ZNF737: variants seen among roughly 807,000 people sequenced by gnomAD.
ZNF737 encodes zinc finger protein 737.
ZNF737 carries 13 observed loss-of-function variants against 11.7 expected under a neutral mutation model. That is an observed-to-expected ratio of 1.11 (90% CI 0.73 to 1.77). The LOEUF is 1.77. ZNF737 is among the 40% of genes most tolerant of loss of function. The pLI, the probability that ZNF737 is intolerant of heterozygous loss-of-function variation, is 0.00. For synonymous variants in ZNF737, 217 were observed against 216.2 expected (o/e 1.00, Z -0.03); for missense variants, 636 against 638.0 (o/e 1.00, Z 0.03).
chr19:20,554,840 C>T (rs1050864948), intron 1 of ZNF737, among the ~76,000 whole-genome samples: 2 of 150,070 alleles, frequency 1.3e-5, no homozygotes, highest in African/African-American at 4.9e-5. Flanking sequence ...TAATAAATGG[C>T]ATCCCATTTA....
Position 20,541,198 on chromosome 19 carries a change from T to C in ZNF737, c.*3394A>G. On this transcript the variant is annotated 3_prime_UTR_variant, in exon 4 of 4. Transcript: ENST00000427401. ...TGTTTAGTTTTGTTAATCACCTAAA[T>C]AACATAATTTGTTTTGTTGCAGTAA... 4 of 983,042 alleles carry C rather than the reference T, an allele frequency of 4.1e-6. No individual in the cohort carries two copies. The highest frequency in any genetic ancestry group is 4.8e-6 in the Non-Finnish European group (4 of 827,788). The allele number at this position is 983,042 out of a possible 1,614,324, so 60.9% of individuals were successfully genotyped here.
chr19:20,540,090 T>G lies in ZNF737; in HGVS notation c.*4502A>C. On this transcript the variant is annotated 3_prime_UTR_variant, in exon 4 of 4. Coordinates refer to ENST00000427401, the MANE Select transcript of ZNF737 (RefSeq NM_001159293.2). ...CCTCTGCCATAGAATCCTCTTATGT[T>G]CCTTACTGGAAGCAACATGGAGGAG... 1.0e-6 allele frequency: 1 copy of G among 985,414 alleles called. No homozygotes were observed. The highest frequency in any genetic ancestry group is 1.2e-6 in the Non-Finnish European group (1 of 829,934). The allele number at this position is 985,414 out of a possible 1,614,324, so 61.0% of individuals were successfully genotyped here.
intron 3 of ZNF737, among the ~76,000 whole-genome samples, chr19:20,551,429 C>CAAAA (rs59406979): frequency 1.1e-3 from 113 of 101,726 alleles, no homozygotes; most frequent in Middle Eastern, 5.3e-3. Flanking sequence ...AACCCCATCT[C>CAAAA]AAAAAAAAAA....
chr19:20,543,345 A>G lies in ZNF737; in HGVS notation c.*1247T>C. The G allele has an allele frequency of 1.0e-6, 1 of 986,420 alleles. No homozygotes were observed. Among genetic ancestry groups the G allele is most frequent in the Non-Finnish European group, 1.2e-6 (1 of 829,808 alleles). The allele number at this position is 986,420 out of a possible 1,614,324, so 61.1% of individuals were successfully genotyped here. The stretch of plus-strand genomic sequence containing the variant: ...GTGCAATAAGATCTGTGATACTAGT[A>G]AATGTACTATGTAACTCCCTTTATA... On this transcript the variant is annotated 3_prime_UTR_variant, in exon 4 of 4. Coordinates refer to ENST00000427401, the MANE Select transcript of ZNF737 (RefSeq NM_001159293.2).
At chr19:20,548,138 T>C (rs149925573) in intron 3 of ZNF737, among the ~76,000 whole-genome samples, 40 of 150,700 alleles carry the variant, frequency 2.7e-4, no homozygotes, top group African/African-American at 2.2e-4. Context: ...TGAGACTCCA[T>C]CTAAAAAAAA....
At chr19:20,558,060 C>T (rs992059328) in intron 1 of ZNF737, among the ~76,000 whole-genome samples, 10 of 151,864 alleles carry the variant, frequency 6.6e-5, no homozygotes, top group Admixed American at 2.0e-4. Flanking sequence ...CTCAGGATTT[C>T]GAGACCAGCT....
chr19:20,531,707 C>T (rs1555752905), downstream of ZNF737, among the ~76,000 whole-genome samples: 2 of 149,924 alleles, frequency 1.3e-5, 1 homozygote, highest in Admixed American at 1.3e-4. Context: ...ATCCACCTGC[C>T]TCAGCCTCTC....
Position 20,538,906 on chromosome 19 carries a change from C to T in ZNF737, c.*5686G>A. 1 of 985,316 alleles carries T rather than the reference C, an allele frequency of 1.0e-6. No individual in the cohort carries two copies. Among genetic ancestry groups the T allele is most frequent in the Non-Finnish European group, 1.2e-6 (1 of 829,820 alleles). The allele number at this position is 985,316 out of a possible 1,614,324, so 61.0% of individuals were successfully genotyped here. The stretch of plus-strand genomic sequence containing the variant: ...AAAACAAATCTTTTGTTAATTCACT[C>T]TAAATTGAGACTACATTTACAATCT... On this transcript the variant is annotated 3_prime_UTR_variant, in exon 4 of 4. Transcript: ENST00000427401.
chr19:20,551,429 C>CAAAAA (rs59406979), intron 3 of ZNF737, among the ~76,000 whole-genome samples: 47 of 102,244 alleles, frequency 4.6e-4, no homozygotes, highest in African/African-American at 6.6e-4. Context: ...AACCCCATCT[C>CAAAAA]AAAAAAAAAA....
intron 2 of ZNF737, among the ~76,000 whole-genome samples, chr19:20,553,008 T>TC (rs147043769): frequency 0.095 from 12,366 of 130,440 alleles, 600 homozygotes; most frequent in Non-Finnish European, 0.1. Context: ...TGAGACTCTG[T>TC]CCCCGAAAAA....
chr19:20,531,302 C>T (rs7251683), downstream of ZNF737, among the ~76,000 whole-genome samples: 2,373 of 146,990 alleles, frequency 0.016, 169 homozygotes, highest in African/African-American at 0.057. Context: ...CACTCTTGTT[C>T]GAACGCCTCC....
intron 3 of ZNF737, among the ~76,000 whole-genome samples, chr19:20,548,980 A>AAAAAAAAAAG (rs1491170549): frequency 1.5e-5 from 1 of 66,500 alleles, no homozygotes; most frequent in African/African-American, 5.7e-5. Flanking sequence ...AAAAAAAAAA[A>AAAAAAAAAAG]CAATTATGTA....
At chr19:20,547,398 A>C (rs1968495135) in intron 3 of ZNF737, among the ~76,000 whole-genome samples, 2 of 151,314 alleles carry the variant, frequency 1.3e-5, no homozygotes, top group South Asian at 4.2e-4. Context: ...AAAAAAAAAA[A>C]AAACACCACC....
In ZNF737 at chr19:20,552,596, G is replaced by T. The variant is rs782238157; in HGVS notation, c.131-26C>A. The T allele has an allele frequency of 7.3e-6, 11 of 1,510,016 alleles. No homozygotes were observed. The African/African-American group carries it at 1.4e-4, about 19-fold the overall frequency. 93.5% of individuals were successfully genotyped at this position (1,510,016 alleles called of 1,614,324 possible). A position where few individuals can be genotyped will look rare whatever the true frequency, so the allele number is the denominator to read the frequency against. On this transcript the variant is annotated intron_variant, in intron 2 of 3. Transcript: ENST00000427401. ...CTGTTTTATTAAAAATAAATAACAT[G>T]AATCTTGCTCATATTCTCCAATTAC...
rs782666742 is a variant in ZNF737 at position 20,546,025 on chromosome 19, A to C, written c.227-49T>G. The C allele has an allele frequency of 4.0e-6, 6 of 1,514,992 alleles. No individual in the cohort carries two copies. In the African/African-American group the frequency reaches 8.4e-5, roughly 21 times the overall value. 93.8% of individuals were successfully genotyped at this position (1,514,992 alleles called of 1,614,324 possible). On this transcript the variant is annotated intron_variant, in intron 3 of 3. Transcript: ENST00000427401. ...TTACTTCAATTGGTAGACTCAGATA[A>C]ATATACTTTACAGATCTAACCTATA...
At chr19:20,532,399 A>G (rs1426632503), downstream of ZNF737, among the ~76,000 whole-genome samples, 2 of 149,986 alleles carry the variant, frequency 1.3e-5, no homozygotes, top group Non-Finnish European at 3.0e-5. Context: ...TCATATGCAG[A>G]AATAAACATT....
intron 3 of ZNF737, among the ~76,000 whole-genome samples, chr19:20,547,592 GTTGT>G (rs148157527): frequency 0.023 from 3,460 of 152,130 alleles, 139 homozygotes; most frequent in African/African-American, 0.079. Flanking sequence ...CACTGATAAA[GTTGT>G]TTATTTCCTT....
Position 20,542,389 on chromosome 19 carries a change from T to G in ZNF737, c.*2203A>C, listed in dbSNP as rs1968247197. 1 of 345,314 alleles carries G rather than the reference T, an allele frequency of 2.9e-6. No individual in the cohort carries two copies. Among genetic ancestry groups the G allele is most frequent in the South Asian group, 1.2e-4 (1 of 8,446 alleles). The allele number at this position is 345,314 out of a possible 1,614,324, so 21.4% of individuals were successfully genotyped here. A position where few individuals can be genotyped will look rare whatever the true frequency, so the allele number is the denominator to read the frequency against. On this transcript the variant is annotated 3_prime_UTR_variant, in exon 4 of 4. Coordinates refer to ENST00000427401, the MANE Select transcript of ZNF737 (RefSeq NM_001159293.2). ...GATTACAGGCATGCACCACCATGCCTGGCTAATTTTTTTTGTATTTTTAGT... is the reference window on the plus strand; with the variant it reads ...GATTACAGGCATGCACCACCATGCCGGGCTAATTTTTTTTGTATTTTTAGT...
chr19:20,534,533 G>C (rs1267745303), downstream of ZNF737, among the ~76,000 whole-genome samples: 59 of 150,134 alleles, frequency 3.9e-4, 6 homozygotes, highest in African/African-American at 1.2e-3. Flanking sequence ...GAGATGTTAA[G>C]AATCTGAAAT....
Sources: gnomAD v4.1 joint callset for allele counts (sites outside exome capture counted in the v4.1 genomes callset) on GRCh38, gnomAD v4.1.1 for gene constraint, MANE v1.5 for transcripts, NCBI Gene and HGNC (gene_info 2026-07-23, HGNC 2026-07-21) for gene names.